KIAA1217: variants seen among roughly 807,000 people sequenced by gnomAD.
The protein encoded by KIAA1217 is sickle tail protein homolog.
A neutral mutation model predicts 163.9 loss-of-function variants in KIAA1217; 88 were observed. The observed-to-expected ratio is 0.54, with a 90% CI of 0.45 to 0.64. The LOEUF (loss-of-function observed/expected upper bound fraction) is 0.64. Ranked by LOEUF, KIAA1217 falls within the 30% of genes least tolerant of loss-of-function variation. KIAA1217 has a pLI of 0.00. For missense variants in KIAA1217, 2,372 were observed against 2,475.0 expected, an observed-to-expected ratio of 0.96 and a Z score of 0.88; for synonymous variants, 903 against 923.1, an observed-to-expected ratio of 0.98 and a Z score of 0.39.
chr10:24,053,432 G>A lies in KIAA1217; in HGVS notation c.-171+46058G>A, dbSNP rs192974737. ...TATGCGTTATGAATATATATATATA[G>A]CATTATGCTGGTATATTACATTTTT... On this transcript the variant is annotated intron_variant, in intron 2 of 18. Transcript: ENST00000376462. Among the ~76,000 whole-genome samples, 486 of 151,880 alleles carry A rather than the reference G, an allele frequency of 3.2e-3. 1 individual carries two copies. The highest frequency in any genetic ancestry group is 0.011 in the African/African-American group (468 of 41,370).
chr10:23,847,494 AT>A (rs1839097471), intron 1 of KIAA1217, among the ~76,000 whole-genome samples: 1 of 151,914 alleles, frequency 6.6e-6, no homozygotes, highest in Non-Finnish European at 1.5e-5. Flanking sequence ...TTTCTTCTAG[AT>A]TTTCTAGTTT....
chr10:23,902,383 C>T (rs900654383), intron 1 of KIAA1217, among the ~76,000 whole-genome samples: 6 of 152,028 alleles, frequency 3.9e-5, no homozygotes, highest in Non-Finnish European at 8.8e-5. Context: ...CAATGCAAAC[C>T]TCTAATCTCA....
chr10:23,767,827 A>T lies in KIAA1217; in HGVS notation c.-321+72593A>T, dbSNP rs531384037. ...AGACATAAAGCCCTACTTTAGGAAT[A>T]ATCAAGTAAGCATCCTATACCCCCA... On this transcript the variant is annotated intron_variant, in intron 1 of 18. Coordinates refer to the KIAA1217 transcript ENST00000376462. Among the ~76,000 whole-genome samples the T allele has an allele frequency of 5.3e-5, 8 of 152,308 alleles. No homozygotes were observed. The East Asian group carries it at 1.5e-3, about 29-fold the overall frequency.
At chr10:24,096,501 C>G (rs1218222242) in intron 2 of KIAA1217, among the ~76,000 whole-genome samples, 1 of 152,166 alleles carries the variant, frequency 6.6e-6, no homozygotes, top group Admixed American at 6.5e-5. Flanking sequence ...CTGCTTTAGG[C>G]CTGCTGTGAT....
intron 2 of KIAA1217, among the ~76,000 whole-genome samples, chr10:24,378,557 C>T (rs574925346): frequency 3.9e-5 from 6 of 152,246 alleles, no homozygotes; most frequent in Middle Eastern, 6.9e-3. Context: ...ACCTTACATG[C>T]TTGACGAGCT....
chr10:23,853,339 C>T (rs1449804774), intron 1 of KIAA1217, among the ~76,000 whole-genome samples: 1 of 152,138 alleles, frequency 6.6e-6, no homozygotes, highest in African/African-American at 2.4e-5. Context: ...TGTATTAAAC[C>T]AGCCTTGCAT....
intron 3 of KIAA1217, among the ~76,000 whole-genome samples, chr10:24,388,923 G>C (rs1215258732): frequency 6.7e-6 from 1 of 148,190 alleles, no homozygotes; most frequent in African/African-American, 2.6e-5. Flanking sequence ...TGGAGAGGAT[G>C]TGGAGAAATA....
intron 2 of KIAA1217, among the ~76,000 whole-genome samples, chr10:24,359,118 C>T (rs2049591779): frequency 7.8e-6 from 1 of 127,836 alleles, no homozygotes; most frequent in South Asian, 2.5e-4. Flanking sequence ...GAGATAGAGT[C>T]TCACTCTGTC....
intron 1 of KIAA1217, among the ~76,000 whole-genome samples, chr10:23,810,746 A>G (rs1836977666): frequency 7.9e-6 from 1 of 126,248 alleles, no homozygotes; most frequent in Non-Finnish European, 1.6e-5. Context: ...TATATATACT[A>G]TATAATATAG....
chr10:24,463,576 A>G (rs1183652337), intron 5 of KIAA1217, among the ~76,000 whole-genome samples: 4 of 152,240 alleles, frequency 2.6e-5, no homozygotes, highest in African/African-American at 9.6e-5. Context: ...TTTCAACGTA[A>G]TAATCCCTTC....
chr10:24,339,729 G>T (rs992519154), intron 2 of KIAA1217, among the ~76,000 whole-genome samples: 1 of 152,140 alleles, frequency 6.6e-6, no homozygotes, highest in Admixed American at 6.5e-5. Context: ...GAAAGTTCTG[G>T]GCCAATGTTG....
At chr10:24,256,785 T>C (rs564527684) in intron 2 of KIAA1217, among the ~76,000 whole-genome samples, 49 of 152,308 alleles carry the variant, frequency 3.2e-4, no homozygotes, top group African/African-American at 1.2e-3. Context: ...CCAGAGTGTT[T>C]CGTTCAGATA....
intron 2 of KIAA1217, among the ~76,000 whole-genome samples, chr10:24,121,363 T>C (rs1211954037): frequency 6.6e-6 from 1 of 152,226 alleles, no homozygotes; most frequent in Non-Finnish European, 1.5e-5. Context: ...ATGTCATGCT[T>C]TTCTGGGCTT....
intron 2 of KIAA1217, among the ~76,000 whole-genome samples, chr10:24,090,441 A>G (rs1564689142): frequency 6.8e-6 from 1 of 146,786 alleles, no homozygotes; most frequent in Non-Finnish European, 1.5e-5. Context: ...CAGGCTCCCA[A>G]AGTCCTAGGA....
At chr10:24,284,558 G>T (rs1176389922) in intron 2 of KIAA1217, among the ~76,000 whole-genome samples, 1 of 152,086 alleles carries the variant, frequency 6.6e-6, no homozygotes, top group Non-Finnish European at 1.5e-5. Context: ...ACACGATTTT[G>T]GTTTTTTAAA....
At chr10:23,774,628 A>T (rs12251528) in intron 1 of KIAA1217, among the ~76,000 whole-genome samples, 1 of 152,096 alleles carries the variant, frequency 6.6e-6, no homozygotes, top group African/African-American at 2.4e-5. Context: ...GGCTGTTCAC[A>T]GGGAGGTGCA....
intron 2 of KIAA1217, among the ~76,000 whole-genome samples, chr10:24,121,710 G>C (rs1340348447): frequency 6.6e-6 from 1 of 152,128 alleles, no homozygotes. Flanking sequence ...TCAACAAAAG[G>C]CATGTTAAAT....
chr10:24,281,186 A>G (rs2132214325), intron 2 of KIAA1217, among the ~76,000 whole-genome samples: 1 of 152,360 alleles, frequency 6.6e-6, no homozygotes, highest in East Asian at 1.9e-4. Flanking sequence ...TAGTATTAGC[A>G]TCTTACATCA....
chr10:24,055,342 T>C (rs1253590657), intron 2 of KIAA1217, among the ~76,000 whole-genome samples: 1 of 152,244 alleles, frequency 6.6e-6, no homozygotes, highest in Non-Finnish European at 1.5e-5. Context: ...TAGTCTATAA[T>C]GTCTTGTTTA....
Sources: gnomAD v4.1 joint callset for allele counts (sites outside exome capture counted in the v4.1 genomes callset) on GRCh38, gnomAD v4.1.1 for gene constraint, MANE v1.5 for transcripts, NCBI Gene and HGNC (gene_info 2026-07-23, HGNC 2026-07-21) for gene names.